PRR16: variants seen among roughly 807,000 people sequenced by gnomAD.
PRR16 encodes proline rich 16, also known as protein Largen.
Under a neutral mutation model 18.2 loss-of-function variants are expected in PRR16, and 6 were observed. That is an observed-to-expected ratio of 0.33 (90% CI 0.18 to 0.65). The LOEUF is 0.65. Ranked by LOEUF, PRR16 falls within the 30% of genes least tolerant of loss-of-function variation. PRR16 has a pLI of 0.74. For missense variants in PRR16, 412 were observed against 376.6 expected (o/e 1.09, Z -0.78); for synonymous variants, 151 against 147.8 (o/e 1.02, Z -0.16).
At chr5:120,574,083 A>G (rs1013563940) in intron 1 of PRR16, among the ~76,000 whole-genome samples, 4 of 152,128 alleles carry the variant, frequency 2.6e-5, no homozygotes, top group Admixed American at 6.6e-5. Flanking sequence ...ATGGAAAAAC[A>G]TTAATAACCT....
the PRR16 span, among the ~76,000 whole-genome samples, chr5:120,772,257 C>T: frequency 6.6e-6 from 1 of 152,076 alleles, no homozygotes; most frequent in East Asian, 1.9e-4. Context: ...TGTTTCTTCT[C>T]ATCTGAGAAG....
At chr5:120,701,476 G>T in the PRR16 span, among the ~76,000 whole-genome samples, 2 of 152,152 alleles carry the variant, frequency 1.3e-5, no homozygotes, top group African/African-American at 4.8e-5. Flanking sequence ...TATGCATTTA[G>T]CTCCAGCCAC....
chr5:120,491,378 A>G (rs188601424), intron 1 of PRR16, among the ~76,000 whole-genome samples: 1 of 151,610 alleles, frequency 6.6e-6, no homozygotes, highest in African/African-American at 2.4e-5. Context: ...CTTCTTGTAC[A>G]TTCTATATTA....
At chr5:120,610,866 C>A (rs1449174607) in intron 1 of PRR16, among the ~76,000 whole-genome samples, 1 of 152,098 alleles carries the variant, frequency 6.6e-6, no homozygotes, top group Non-Finnish European at 1.5e-5. Context: ...AACTAGGTAA[C>A]AGGCAGAGAG....
chr5:120,666,451 T>C (rs1378435005), intron 1 of PRR16, among the ~76,000 whole-genome samples: 6 of 151,070 alleles, frequency 4.0e-5, no homozygotes, highest in Non-Finnish European at 7.4e-5. Context: ...ACCCTTTATT[T>C]CCTTCTCCTG....
the PRR16 span, among the ~76,000 whole-genome samples, chr5:120,696,410 C>T: frequency 2.6e-5 from 4 of 152,208 alleles, no homozygotes; most frequent in Admixed American, 1.3e-4. Context: ...ACCATACCTA[C>T]GTTTACTAAC....
chr5:120,701,935 G>T, the PRR16 span, among the ~76,000 whole-genome samples: 1 of 152,162 alleles, frequency 6.6e-6, no homozygotes, highest in Non-Finnish European at 1.5e-5. Context: ...TGTCGAATTT[G>T]TACTGGGGTC....
the PRR16 span, among the ~76,000 whole-genome samples, chr5:120,742,531 CA>C: frequency 2.0e-5 from 3 of 151,262 alleles, no homozygotes; most frequent in African/African-American, 7.3e-5. Context: ...TAATTTTAAA[CA>C]AAAAATTCTT....
At chr5:120,734,647 A>C in the PRR16 span, among the ~76,000 whole-genome samples, 1 of 152,106 alleles carries the variant, frequency 6.6e-6, no homozygotes, top group Non-Finnish European at 1.5e-5. Flanking sequence ...TTCTGACTTT[A>C]TTCCTTTATT....
At chr5:120,516,423 CA>C (rs531146634) in intron 1 of PRR16, among the ~76,000 whole-genome samples, 11,021 of 51,650 alleles carry the variant, frequency 0.21, 123 homozygotes, top group Non-Finnish European at 0.28. Context: ...GATTATGTCT[CA>C]AAAAAAAAAA....
At chr5:120,642,073 T>G (rs572210656) in intron 1 of PRR16, among the ~76,000 whole-genome samples, 1 of 152,210 alleles carries the variant, frequency 6.6e-6, no homozygotes, top group African/African-American at 2.4e-5. Context: ...CAGTCCTACC[T>G]CCCACACTTC....
At chr5:120,563,958 C>G (rs1452909621) in intron 1 of PRR16, among the ~76,000 whole-genome samples, 1 of 152,114 alleles carries the variant, frequency 6.6e-6, no homozygotes, top group Non-Finnish European at 1.5e-5. Context: ...GCTCTTTAGT[C>G]AGCCAGTGAT....
chr5:120,501,977 A>AG lies in PRR16; in HGVS notation c.159+37332_159+37333insG, dbSNP rs1323428393. Among the ~76,000 whole-genome samples the AG allele has an allele frequency of 1.1e-4, 16 of 150,040 alleles. 1 individual carries two copies. Among genetic ancestry groups the AG allele is most frequent in the African/African-American group, 3.7e-4 (15 of 41,022 alleles). On this transcript the variant is annotated intron_variant, in intron 1 of 1. Coordinates refer to ENST00000407149, the MANE Select transcript of PRR16 (RefSeq NM_001300783.2). The stretch of plus-strand genomic sequence containing the variant: ...TCTCAAAAAAAAAAAAAAAAAAAAA[A>AG]AAAAAGAAAGAAATAGCTAGTATAA...
At chr5:120,725,636 T>A in the PRR16 span, among the ~76,000 whole-genome samples, 1 of 152,038 alleles carries the variant, frequency 6.6e-6, no homozygotes, top group African/African-American at 2.4e-5. Flanking sequence ...ATAATCATAC[T>A]ATTGCATTCC....
intron 1 of PRR16, among the ~76,000 whole-genome samples, chr5:120,626,840 T>C (rs1354958207): frequency 6.6e-6 from 1 of 152,180 alleles, no homozygotes; most frequent in African/African-American, 2.4e-5. Flanking sequence ...ATAGGAATCT[T>C]ATTTATTTAG....
chr5:120,656,516 G>C (rs1039960561), intron 1 of PRR16, among the ~76,000 whole-genome samples: 3 of 149,744 alleles, frequency 2.0e-5, no homozygotes, highest in Non-Finnish European at 4.4e-5. Context: ...AGACACTCTG[G>C]AATAAGGGAA....
In PRR16 at chr5:120,574,610, A is replaced by AAAC. The variant is rs544864461; in HGVS notation, c.159+109972_159+109974dup. Among the ~76,000 whole-genome samples the AAAC allele has an allele frequency of 1.5e-4, 22 of 149,808 alleles. 1 individual carries two copies. Among genetic ancestry groups the AAAC allele is most frequent in the Non-Finnish European group, 2.8e-4 (19 of 68,020 alleles). ...GAGCAAGACTCTGTCTCAAAAACAA[A>AAAC]AACAACAACGACGAAAAAAGGATAT... On this transcript the variant is annotated intron_variant, in intron 1 of 1. Transcript: ENST00000407149.
At chr5:120,682,748 A>G in intron 1 of PRR16, among the ~76,000 whole-genome samples, 1 of 152,242 alleles carries the variant, frequency 6.6e-6, no homozygotes. Flanking sequence ...CTCAGTGGTC[A>G]TTTATGGATA....
intron 1 of PRR16, among the ~76,000 whole-genome samples, chr5:120,503,024 A>T (rs1171940987): frequency 6.6e-6 from 1 of 152,212 alleles, no homozygotes; most frequent in Non-Finnish European, 1.5e-5. Flanking sequence ...GCATTGAAAC[A>T]TATAAAATAT....
Sources: allele counts gnomAD v4.1 joint callset (sites outside exome capture counted in the v4.1 genomes callset), GRCh38; gene constraint gnomAD v4.1.1; transcripts MANE v1.5; gene names NCBI Gene and HGNC (gene_info 2026-07-23, HGNC 2026-07-21).